The following MRPL20 variants were observed in gnomAD, a reference collection of about 807,000 sequenced individuals.
MRPL20 encodes the protein mitochondrial ribosomal protein L20, also known as large ribosomal subunit protein bL20m.
Under a neutral mutation model 20.0 loss-of-function variants are expected in MRPL20, and 21 were observed. That is an observed-to-expected ratio of 1.05 (90% CI 0.74 to 1.51). The LOEUF (loss-of-function observed/expected upper bound fraction) is 1.51, where lower values mean the gene tolerates loss of function less well. Ranked by LOEUF, MRPL20 falls within the 40% of genes most tolerant of loss-of-function variation. MRPL20 has a pLI of 0.00. For synonymous variants in MRPL20, 104 were observed against 73.0 expected, an observed-to-expected ratio of 1.43 and a Z score of -2.17; for missense variants, 252 against 185.6, an observed-to-expected ratio of 1.36 and a Z score of -2.08.
At chr1:1,402,867 G>C (rs1557749688) in intron 3 of MRPL20, among the ~76,000 whole-genome samples, 1 of 152,122 alleles carries the variant, frequency 6.6e-6, no homozygotes, top group Non-Finnish European at 1.5e-5. Context: ...GGTGGCTCAT[G>C]CCTGTAATCT....
At position 1,407,233 on chromosome 1, in the gene MRPL20, G is replaced by A. The variant is rs756140527; in HGVS notation, c.-16C>T. 7.6e-6 allele frequency: 12 copies of A among 1,580,342 alleles called. No individual in the cohort carries two copies. The highest frequency in any genetic ancestry group is 2.3e-5 in the East Asian group (1 of 42,940). ...GGAAGACCATGGCGCCTGCAGGCCG[G>A]CGTCCCGAACACTCAACAACGCACG... On this transcript the variant is annotated 5_prime_UTR_variant, in exon 1 of 4. Transcript: ENST00000344843.
rs1334063537 is a variant in MRPL20, at chr1:1,402,368, G to A, written c.277-112C>T. On this transcript the variant is annotated intron_variant, in intron 3 of 3. Transcript: ENST00000344843. ...CCAGCTGCACACTCGCCTGGGGGGA[G>A]GGAAGGCCTAGGAGAATCCTATCTG... The A allele has an allele frequency of 2.8e-6, 4 of 1,442,196 alleles. No homozygotes were observed. The African/African-American group carries it at 4.3e-5, about 15-fold the overall frequency. 89.3% of individuals were successfully genotyped at this position (1,442,196 alleles called of 1,614,324 possible).
At chr1:1,404,351 T>C (rs1645363480) in intron 3 of MRPL20, among the ~76,000 whole-genome samples, 1 of 151,624 alleles carries the variant, frequency 6.6e-6, no homozygotes, top group African/African-American at 2.4e-5. Flanking sequence ...AGTCGGGGTT[T>C]CACCATGTTA....
chr1:1,402,270 G>T lies in MRPL20; in HGVS notation c.277-14C>A. ...CTCCACCTGGCACTGAAAAAAGAATGAATCAGAACCTGCTGTCAGTGTGAG... is the reference window on the plus strand; with the variant it reads ...CTCCACCTGGCACTGAAAAAAGAATTAATCAGAACCTGCTGTCAGTGTGAG... On this transcript the variant is annotated splice_polypyrimidine_tract_variant and intron_variant, in intron 3 of 3. Coordinates refer to ENST00000344843, the MANE Select transcript of MRPL20 (RefSeq NM_017971.4). 6.2e-7 allele frequency: 1 copy of T among 1,601,544 alleles called. No homozygotes were observed.
At position 1,403,888 on chromosome 1, in the gene MRPL20, C is replaced by G. The variant is rs565758968; in HGVS notation, c.277-1632G>C. Among the ~76,000 whole-genome samples, 34 of 152,336 alleles carry G rather than the reference C, an allele frequency of 2.2e-4. No homozygotes were observed. The Middle Eastern group carries it at 0.017, about 76-fold the overall frequency. On this transcript the variant is annotated intron_variant, in intron 3 of 3. Coordinates refer to ENST00000344843, the MANE Select transcript of MRPL20 (RefSeq NM_017971.4). ...ACACAGTCACACACTGTCGCCCACGCTGGAGTACACTGGTGTGATCTCAGC... is the reference window on the plus strand; with the variant it reads ...ACACAGTCACACACTGTCGCCCACGGTGGAGTACACTGGTGTGATCTCAGC...
intron 3 of MRPL20, chr1:1,402,458 G>A (rs1645341140): frequency 1.5e-6 from 2 of 1,332,712 alleles, no homozygotes; most frequent in African/African-American, 1.5e-5. Context: ...GGTGAGGGAA[G>A]CACCTGTGGA....
In MRPL20 at chr1:1,406,907, A is replaced by T. The variant is rs753254318; in HGVS notation, c.198+2T>A. On this transcript the variant is annotated splice_donor_variant, in intron 2 of 3. Transcript: ENST00000344843. LOFTEE classifies it high-confidence loss of function. ...CGGCGGGTGTCCCGGGTCCACGCTT[A>T]CGGTCCTCATGTTCTTTTTCTTCAG... The T allele has an allele frequency of 1.3e-5, 21 of 1,611,590 alleles. No individual in the cohort carries two copies. The highest frequency in any genetic ancestry group is 1.7e-5 in the Non-Finnish European group (20 of 1,177,880).
intron 2 of MRPL20, 81 bp downstream of exon 2, chr1:1,406,828 C>T: frequency 1.6e-6 from 2 of 1,231,262 alleles, no homozygotes; most frequent in Non-Finnish European, 2.4e-6. Flanking sequence ...GGCCGGGCGG[C>T]TGCACACTAG....
At chr1:1,406,543 T>C (rs576722604) in intron 2 of MRPL20, 2 of 292,116 alleles carry the variant, frequency 6.8e-6, no homozygotes, top group African/African-American at 4.4e-5. Flanking sequence ...CAGCAGATAG[T>C]AGCCCTGGAG....
Sources: allele counts gnomAD v4.1 joint callset (sites outside exome capture counted in the v4.1 genomes callset), GRCh38; gene constraint gnomAD v4.1.1; transcripts MANE v1.5; gene names NCBI Gene and HGNC (gene_info 2026-07-23, HGNC 2026-07-21).